CAMK1D: variants seen among roughly 807,000 people sequenced by gnomAD.
CAMK1D encodes the protein calcium/calmodulin dependent protein kinase ID.
Under a neutral mutation model 47.7 loss-of-function variants are expected in CAMK1D, and 9 were observed. The observed-to-expected ratio is 0.19, with a 90% CI of 0.11 to 0.33. The LOEUF (loss-of-function observed/expected upper bound fraction) is 0.33, where lower values mean the gene tolerates loss of function less well. Ranked by LOEUF, CAMK1D falls within the 10% of genes least tolerant of loss-of-function variation. CAMK1D has a pLI of 1.00. For missense variants in CAMK1D, 291 were observed against 488.7 expected (o/e 0.60, Z 3.81); for synonymous variants, 184 against 184.9 (o/e 0.99, Z 0.04).
At chr10:12,800,646 C>T (rs1261657832) in intron 6 of CAMK1D, among the ~76,000 whole-genome samples, 4 of 152,204 alleles carry the variant, frequency 2.6e-5, no homozygotes, top group Non-Finnish European at 4.4e-5. Context: ...TTGCTTCGGT[C>T]ATTTTTATGG....
intron 1 of CAMK1D, among the ~76,000 whole-genome samples, chr10:12,509,745 T>C (rs981954368): frequency 6.6e-6 from 1 of 152,102 alleles, no homozygotes; most frequent in Admixed American, 6.5e-5. Flanking sequence ...AAGGAGACTC[T>C]GTTTCAAAAA....
chr10:12,424,329 G>A (rs944440491), intron 1 of CAMK1D, among the ~76,000 whole-genome samples: 3 of 152,066 alleles, frequency 2.0e-5, no homozygotes, highest in Middle Eastern at 3.4e-3. Context: ...CAAGATGGAC[G>A]TCCAGTTACA....
chr10:12,488,820 G>T (rs574813158), intron 1 of CAMK1D, among the ~76,000 whole-genome samples: 4 of 152,166 alleles, frequency 2.6e-5, no homozygotes, highest in Non-Finnish European at 4.4e-5. Flanking sequence ...TAATGGCGCC[G>T]CTGATCTGAC....
intron 1 of CAMK1D, among the ~76,000 whole-genome samples, chr10:12,508,226 T>C (rs1388716921): frequency 6.6e-6 from 1 of 152,222 alleles, no homozygotes; most frequent in Non-Finnish European, 1.5e-5. Context: ...TCGCTATTCA[T>C]GAAGGCCAAA....
intron 2 of CAMK1D, among the ~76,000 whole-genome samples, chr10:12,562,917 G>A (rs189385923): frequency 6.6e-6 from 1 of 152,346 alleles, no homozygotes; most frequent in Admixed American, 6.5e-5. Context: ...GGCAAAGAAG[G>A]TTTAGTGGAA....
intron 3 of CAMK1D, among the ~76,000 whole-genome samples, chr10:12,682,037 G>C (rs932890849): frequency 6.6e-6 from 1 of 152,190 alleles, no homozygotes; most frequent in Non-Finnish European, 1.5e-5. Context: ...GGCTAACACG[G>C]TGAAACCCCG....
intron 3 of CAMK1D, among the ~76,000 whole-genome samples, chr10:12,716,068 G>A (rs533761743): frequency 6.6e-6 from 1 of 152,164 alleles, no homozygotes; most frequent in South Asian, 2.1e-4. Context: ...CTGTGCGTCA[G>A]GCTCAGTGCT....
In CAMK1D at chr10:12,376,069, C is replaced by T. The variant is rs545862026; in HGVS notation, c.92+26159C>T. The stretch of plus-strand genomic sequence containing the variant: ...TCCCAGCTACTCGGGAGGCTGAGGC[C>T]GGAGGATCACTTGAACCTGGGAGGT... On this transcript the variant is annotated intron_variant, in intron 1 of 10. Transcript: ENST00000619168. Among the ~76,000 whole-genome samples, 11 of 142,042 alleles carry T rather than the reference C, an allele frequency of 7.7e-5. No individual in the cohort carries two copies. In the South Asian group the frequency reaches 1.6e-3, roughly 20 times the overall value. 93.2% of individuals were successfully genotyped at this position (142,042 alleles called of 152,430 possible).
intron 1 of CAMK1D, among the ~76,000 whole-genome samples, chr10:12,523,910 TA>T (rs1003842680): frequency 2.0e-5 from 3 of 152,150 alleles, no homozygotes; most frequent in Non-Finnish European, 4.4e-5. Flanking sequence ...TTTATTTATT[TA>T]TTTTTTTGAG....
intron 3 of CAMK1D, among the ~76,000 whole-genome samples, chr10:12,703,477 T>G (rs1353310303): frequency 6.6e-6 from 1 of 152,180 alleles, no homozygotes; most frequent in Non-Finnish European, 1.5e-5. Flanking sequence ...ACCTTAGTAA[T>G]AGACACTGCC....
chr10:12,772,449 A>C (rs1251272643), intron 5 of CAMK1D, among the ~76,000 whole-genome samples: 1 of 152,152 alleles, frequency 6.6e-6, no homozygotes, highest in African/African-American at 2.4e-5. Flanking sequence ...AAATGCTCTG[A>C]CAACCAGTGA....
At chr10:12,638,566 C>T (rs765879082) in intron 2 of CAMK1D, among the ~76,000 whole-genome samples, 10 of 152,116 alleles carry the variant, frequency 6.6e-5, no homozygotes, top group South Asian at 2.1e-4. Context: ...CCTTGGCCCC[C>T]GACCCTGGCC....
At chr10:12,701,304 G>A (rs1833509672) in intron 3 of CAMK1D, among the ~76,000 whole-genome samples, 1 of 152,060 alleles carries the variant, frequency 6.6e-6, no homozygotes, top group Non-Finnish European at 1.5e-5. Context: ...TGGCTTATTT[G>A]TGGAATTTAT....
At chr10:12,753,912 C>CA (rs1836111335) in intron 3 of CAMK1D, among the ~76,000 whole-genome samples, 1 of 151,988 alleles carries the variant, frequency 6.6e-6, no homozygotes, top group South Asian at 2.1e-4. Flanking sequence ...TTTTTTGAGA[C>CA]AGAGTTTCGC....
chr10:12,404,868 TA>T (rs1839361177), intron 1 of CAMK1D, among the ~76,000 whole-genome samples: 1 of 151,988 alleles, frequency 6.6e-6, no homozygotes, highest in African/African-American at 2.4e-5. Flanking sequence ...TTTGTATTTT[TA>T]GTAGAAATGG....
At chr10:12,547,974 A>G (rs1211011201) in intron 1 of CAMK1D, among the ~76,000 whole-genome samples, 3 of 152,200 alleles carry the variant, frequency 2.0e-5, no homozygotes, top group Non-Finnish European at 4.4e-5. Flanking sequence ...AGCTCATCTG[A>G]CGACAGGGTC....
rs140588446 is a variant in CAMK1D, at chr10:12,366,254, C to T, written c.92+16344C>T. Among the ~76,000 whole-genome samples, 201 of 152,242 alleles carry T rather than the reference C, an allele frequency of 1.3e-3. 1 individual carries two copies. The highest frequency in any genetic ancestry group is 4.4e-3 in the African/African-American group (182 of 41,548). On this transcript the variant is annotated intron_variant, in intron 1 of 10. Transcript: ENST00000619168. Reference sequence around the variant, plus strand: ...AGTGTTGTTGTATTGTTTTCATTTTCGGTTTTTAAGTGATGGTACCCTAAG... The same window carrying T: ...AGTGTTGTTGTATTGTTTTCATTTTTGGTTTTTAAGTGATGGTACCCTAAG...
At chr10:12,699,665 A>G (rs1252031300) in intron 3 of CAMK1D, among the ~76,000 whole-genome samples, 1 of 150,838 alleles carries the variant, frequency 6.6e-6, no homozygotes, top group Non-Finnish European at 1.5e-5. Context: ...AAAAAACAAG[A>G]TGATTTTTTT....
chr10:12,389,520 C>T (rs1031241559), intron 1 of CAMK1D, among the ~76,000 whole-genome samples: 1 of 152,218 alleles, frequency 6.6e-6, no homozygotes, highest in Middle Eastern at 3.4e-3. Flanking sequence ...GAGAACGTGA[C>T]CTAGTTACTG....
Sources: gnomAD v4.1 joint callset for allele counts (sites outside exome capture counted in the v4.1 genomes callset) on GRCh38, gnomAD v4.1.1 for gene constraint, MANE v1.5 for transcripts, NCBI Gene and HGNC (gene_info 2026-07-23, HGNC 2026-07-21) for gene names.